BNC2: variants seen among roughly 807,000 people sequenced by gnomAD.
The protein encoded by BNC2 is zinc finger protein basonuclin-2.
BNC2 carries 20 observed loss-of-function variants against 76.3 expected under a neutral mutation model. That is an observed-to-expected ratio of 0.26 (90% CI 0.18 to 0.38). BNC2 has a LOEUF of 0.38. BNC2 is among the 10% of genes least tolerant of loss of function. BNC2 has a pLI of 1.00. For missense variants in BNC2, 1,382 were observed against 1,399.8 expected (o/e 0.99, Z 0.20); for synonymous variants, 582 against 514.8 (o/e 1.13, Z -1.77).
chr9:16,795,939 G>A (rs1229539562), intron 1 of BNC2, among the ~76,000 whole-genome samples: 2 of 152,210 alleles, frequency 1.3e-5, no homozygotes, highest in African/African-American at 4.8e-5. Flanking sequence ...CCAAGAGCAA[G>A]CCACTTTCAG....
chr9:16,811,905 C>T (rs191169581), intron 1 of BNC2, among the ~76,000 whole-genome samples: 105 of 152,282 alleles, frequency 6.9e-4, no homozygotes, highest in African/African-American at 2.4e-3. Context: ...AGAAATCTAC[C>T]TTGACCTTCC....
chr9:16,554,977 ACAAT>A (rs1187639293), intron 4 of BNC2, among the ~76,000 whole-genome samples: 2 of 152,144 alleles, frequency 1.3e-5, no homozygotes, highest in African/African-American at 4.8e-5. Flanking sequence ...GAAAAAAACC[ACAAT>A]CACTCTCCCT....
chr9:16,475,005 A>G (rs1438328764), intron 5 of BNC2, among the ~76,000 whole-genome samples: 3 of 152,216 alleles, frequency 2.0e-5, no homozygotes, highest in Non-Finnish European at 2.9e-5. Flanking sequence ...GCCATGCCAT[A>G]TGAGATTGCA....
At chr9:16,741,218 C>A (rs1268645386) in intron 1 of BNC2, among the ~76,000 whole-genome samples, 1 of 152,076 alleles carries the variant, frequency 6.6e-6, no homozygotes, top group Non-Finnish European at 1.5e-5. Context: ...CTTTGGGAAG[C>A]CGAGGTGGGC....
At chr9:16,555,969 T>C (rs565011490) in intron 4 of BNC2, among the ~76,000 whole-genome samples, 1 of 152,088 alleles carries the variant, frequency 6.6e-6, no homozygotes, top group Non-Finnish European at 1.5e-5. Context: ...CATACACAGA[T>C]AAGACTTAAA....
intron 1 of BNC2, among the ~76,000 whole-genome samples, chr9:16,846,058 T>C (rs994642755): frequency 6.7e-6 from 1 of 150,004 alleles, no homozygotes; most frequent in African/African-American, 2.5e-5. Flanking sequence ...GAGAATGGCG[T>C]GAACCCAGGA....
At chr9:16,747,749 T>C (rs1489758259) in intron 1 of BNC2, among the ~76,000 whole-genome samples, 2 of 152,236 alleles carry the variant, frequency 1.3e-5, no homozygotes, top group African/African-American at 4.8e-5. Context: ...GACATATCTT[T>C]CTTGATAATT....
intron 1 of BNC2, among the ~76,000 whole-genome samples, chr9:16,855,570 C>G (rs970749470): frequency 6.6e-6 from 1 of 152,226 alleles, no homozygotes; most frequent in Non-Finnish European, 1.5e-5. Context: ...CGGAGTCTCG[C>G]TCTGTCGCCC....
chr9:16,494,266 T>C (rs1587093834), intron 5 of BNC2, among the ~76,000 whole-genome samples: 1 of 152,046 alleles, frequency 6.6e-6, no homozygotes, highest in South Asian at 2.1e-4. Context: ...GATTCTCCTG[T>C]CTCAGCCTCC....
intron 1 of BNC2, among the ~76,000 whole-genome samples, chr9:16,842,485 G>A (rs984435636): frequency 6.6e-6 from 1 of 152,096 alleles, no homozygotes; most frequent in Non-Finnish European, 1.5e-5. Flanking sequence ...GGCTGGGGAG[G>A]GAGAATGGAG....
intron 5 of BNC2, among the ~76,000 whole-genome samples, chr9:16,529,915 C>T (rs777871780): frequency 1.3e-5 from 2 of 152,102 alleles, no homozygotes; most frequent in African/African-American, 2.4e-5. Flanking sequence ...GTGGCATGAT[C>T]GCGGCTCACC....
intron 3 of BNC2, among the ~76,000 whole-genome samples, chr9:16,639,818 A>G (rs1821437687): frequency 6.6e-6 from 1 of 152,120 alleles, no homozygotes; most frequent in Non-Finnish European, 1.5e-5. Context: ...GCTACTTGGA[A>G]GGCTGAAGCA....
chr9:16,679,252 T>C (rs569981326), intron 3 of BNC2, among the ~76,000 whole-genome samples: 1 of 152,254 alleles, frequency 6.6e-6, no homozygotes, highest in African/African-American at 2.4e-5. Flanking sequence ...CATAAACCAC[T>C]GGTCCTTACT....
chr9:16,847,522 G>A (rs7046326), intron 1 of BNC2, among the ~76,000 whole-genome samples: 39,099 of 150,248 alleles, frequency 0.26, 5,400 homozygotes, highest in African/African-American at 0.34. Context: ...GACCAAACAC[G>A]TTTAGGAAAT....
At chr9:16,570,854 G>A (rs1484656741) in intron 4 of BNC2, among the ~76,000 whole-genome samples, 1 of 152,096 alleles carries the variant, frequency 6.6e-6, no homozygotes, top group African/African-American at 2.4e-5. Context: ...TTAATGGAGC[G>A]CAAACTTTCA....
chr9:16,820,122 CA>C lies in BNC2; in HGVS notation c.3+50523del, dbSNP rs11387388. 8.0e-3 allele frequency among the ~76,000 whole-genome samples: 651 copies of C among 81,768 alleles called. 7 individuals are homozygous for C. Among genetic ancestry groups the C allele is most frequent in the African/African-American group, 0.032 (580 of 18,168 alleles). The allele number at this position is 81,768 out of a possible 152,430, so 53.6% of individuals were successfully genotyped here. On this transcript the variant is annotated intron_variant, in intron 1 of 6. Transcript: ENST00000380672. ...CCTGGGCAACAGAGTGAGACTGTCT[CA>C]AAAAAAAAAAAAAAAAAAAGGGCTG...
At chr9:16,593,641 G>C (rs1819992075) in intron 3 of BNC2, among the ~76,000 whole-genome samples, 1 of 151,846 alleles carries the variant, frequency 6.6e-6, no homozygotes, top group Admixed American at 6.6e-5. Context: ...TTCAATTTAG[G>C]CAAAAACATT....
At chr9:16,633,528 TTGG>T (rs1346837346) in intron 3 of BNC2, among the ~76,000 whole-genome samples, 2 of 152,254 alleles carry the variant, frequency 1.3e-5, no homozygotes, top group Non-Finnish European at 1.5e-5. Flanking sequence ...ATAACTTTTT[TTGG>T]TAGTGCGGTA....
chr9:16,589,733 C>T (rs994138320), intron 3 of BNC2, among the ~76,000 whole-genome samples: 1 of 151,978 alleles, frequency 6.6e-6, no homozygotes, highest in African/African-American at 2.4e-5. Flanking sequence ...TGGTCTCAAA[C>T]TCCTGACTTC....
Sources: gnomAD v4.1 joint callset for allele counts (sites outside exome capture counted in the v4.1 genomes callset) on GRCh38, gnomAD v4.1.1 for gene constraint, MANE v1.5 for transcripts, NCBI Gene and HGNC (gene_info 2026-07-23, HGNC 2026-07-21) for gene names.